Variants in CDH4 observed in about 807,000 individuals in gnomAD.
CDH4 encodes the protein cadherin 4.
A neutral mutation model predicts 86.0 loss-of-function variants in CDH4; 33 were observed. The observed-to-expected ratio is 0.38, with a 90% CI of 0.29 to 0.51. CDH4 has a LOEUF of 0.51. Among genes scored for constraint, CDH4 ranks in the 20% least tolerant of loss-of-function variants. The pLI, the probability that CDH4 is intolerant of heterozygous loss-of-function variation, is 0.86. For missense variants in CDH4, 1,114 were observed against 1,307.4 expected (o/e 0.85, Z 2.28); for synonymous variants, 555 against 549.4 (o/e 1.01, Z -0.14).
At chr20:61,440,389 C>A (rs745626597) in intron 2 of CDH4, among the ~76,000 whole-genome samples, 54 of 152,196 alleles carry the variant, frequency 3.5e-4, no homozygotes, top group Non-Finnish European at 6.8e-4. Context: ...CCCTGTTGAG[C>A]AGCCACAATG....
rs1600807044 is a variant in CDH4, at chr20:61,252,491, G to C, written c.-23G>C. On this transcript the variant is annotated 5_prime_UTR_variant, in exon 1 of 16. Coordinates refer to ENST00000614565, the MANE Select transcript of CDH4 (RefSeq NM_001794.5). The surrounding 1 kb of genome is among the most constrained non-coding windows in gnomAD (Gnocchi z 4.4). ...GCAGGGAGCGGGCTCCCGGTGCCGG[G>C]CACCGGGCGGGCGGCGGGGAAGATG... 4 of 1,149,624 alleles carry C rather than the reference G, an allele frequency of 3.5e-6. No homozygotes were observed. The highest frequency in any genetic ancestry group is 4.3e-6 in the Non-Finnish European group (4 of 935,344). 71.2% of individuals were successfully genotyped at this position (1,149,624 alleles called of 1,614,324 possible).
At chr20:61,386,118 G>A (rs2084949609) in intron 2 of CDH4, among the ~76,000 whole-genome samples, 2 of 152,166 alleles carry the variant, frequency 1.3e-5, no homozygotes, top group African/African-American at 4.8e-5. Flanking sequence ...GGGTGTGTAG[G>A]GGTGAAGTTG....
intron 2 of CDH4, among the ~76,000 whole-genome samples, chr20:61,732,794 G>A (rs914792251): frequency 6.6e-6 from 1 of 152,236 alleles, no homozygotes; most frequent in Admixed American, 6.5e-5. Flanking sequence ...ATAAGTGGGA[G>A]AAAGGAAGAG....
chr20:61,852,880 G>A lies in CDH4; in HGVS notation c.859G>A (p.Asp287Asn). 6.2e-7 allele frequency: 1 copy of A among 1,613,926 alleles called. No individual in the cohort carries two copies. Among genetic ancestry groups the A allele is most frequent in the Non-Finnish European group, 8.5e-7 (1 of 1,179,924 alleles). Reference sequence around the variant, plus strand: ...CAACCAGGTCTACAACGGCTCCGTGGACGAGGGCTCCAAGCCAGGTGAGGC... The same window carrying A: ...CAACCAGGTCTACAACGGCTCCGTGAACGAGGGCTCCAAGCCAGGTGAGGC... ...FINQVYNGSVDEGSKPGTYVM... is the reference protein window; with the variant it reads ...FINQVYNGSVNEGSKPGTYVM... Residue 287 changes from aspartate to asparagine, a missense_variant, in exon 6 of 16, where the codon GAC becomes AAC. Asp to Asn is a conservative substitution (Grantham distance 23). Transcript: ENST00000614565.
At position 61,411,563 on chromosome 20, in the gene CDH4, G is replaced by A. The variant is rs553029058; in HGVS notation, c.169+156626G>A. Among the ~76,000 whole-genome samples, 58 of 152,118 alleles carry A rather than the reference G, an allele frequency of 3.8e-4. 1 individual carries two copies. The highest frequency in any genetic ancestry group is 1.3e-4 in the Non-Finnish European group (9 of 68,018). On this transcript the variant is annotated intron_variant, in intron 2 of 15. Coordinates refer to ENST00000614565, the MANE Select transcript of CDH4 (RefSeq NM_001794.5). ...CTGCTGGCTGGGCTGGGCACGTGGT[G>A]CTGTCTGCTTCAGGGATGCCACCAG... is the stretch of plus-strand genomic sequence containing the variant.
In CDH4 at chr20:61,732,686, G is replaced by A. The variant is rs142006454; in HGVS notation, c.170-10877G>A. ...GCACGTCCAGCTGCCAGCTCATCAC[G>A]CATGGTCCCCCACTAGACAGCTTCC... On this transcript the variant is annotated intron_variant, in intron 2 of 15. Transcript: ENST00000614565. Among the ~76,000 whole-genome samples, 205 of 152,296 alleles carry A rather than the reference G, an allele frequency of 1.3e-3. 4 individuals are homozygous for A. The highest frequency in any genetic ancestry group is 4.3e-3 in the African/African-American group (178 of 41,572).
At chr20:61,385,965 C>T (rs536854640) in intron 2 of CDH4, among the ~76,000 whole-genome samples, 4 of 152,282 alleles carry the variant, frequency 2.6e-5, no homozygotes, top group African/African-American at 9.6e-5. Flanking sequence ...TGGAGCTGAG[C>T]TGCAGGAGGT....
At chr20:61,384,407 A>G (rs532262661) in intron 2 of CDH4, among the ~76,000 whole-genome samples, 1 of 152,190 alleles carries the variant, frequency 6.6e-6, no homozygotes, top group South Asian at 2.1e-4. Context: ...CTGGCCTCTT[A>G]CTCAGGCCCT....
intron 2 of CDH4, among the ~76,000 whole-genome samples, chr20:61,638,685 C>A (rs1177442702): frequency 1.3e-5 from 2 of 152,158 alleles, no homozygotes; most frequent in African/African-American, 4.8e-5. Context: ...CCTCTCTGCC[C>A]ACATTGTGAG....
At chr20:61,354,363 G>T (rs895611225) in intron 2 of CDH4, among the ~76,000 whole-genome samples, 1 of 152,158 alleles carries the variant, frequency 6.6e-6, no homozygotes, top group African/African-American at 2.4e-5. Flanking sequence ...TCCTGGCAAC[G>T]TGACCTCTCT....
At chr20:61,873,946 C>A in intron 7 of CDH4, 46 bp downstream of exon 7, 1 of 1,597,016 alleles carries the variant, frequency 6.3e-7, no homozygotes, top group South Asian at 1.1e-5. Context: ...GCTCCTGGTC[C>A]CCGCAGGACA....
intron 2 of CDH4, among the ~76,000 whole-genome samples, chr20:61,645,345 G>A (rs1171265654): frequency 1.3e-5 from 2 of 152,162 alleles, no homozygotes; most frequent in African/African-American, 2.4e-5. Flanking sequence ...AGTGATTGCC[G>A]GCCAGGTGCA....
chr20:61,386,935 T>C (rs999772583), intron 2 of CDH4, among the ~76,000 whole-genome samples: 1 of 152,196 alleles, frequency 6.6e-6, no homozygotes, highest in Non-Finnish European at 1.5e-5. Context: ...ACACTCCGGG[T>C]CAATACATGT....
intron 4 of CDH4, among the ~76,000 whole-genome samples, chr20:61,817,472 C>A (rs1980777822): frequency 2.6e-5 from 4 of 152,196 alleles, no homozygotes; most frequent in Admixed American, 2.6e-4. Flanking sequence ...TAGGCCCACA[C>A]AAGACGCGGA....
chr20:61,400,088 C>G (rs1214031416), intron 2 of CDH4, among the ~76,000 whole-genome samples: 1 of 152,300 alleles, frequency 6.6e-6, no homozygotes, highest in East Asian at 1.9e-4. Flanking sequence ...GTGGCCTGGC[C>G]CTAACTGTAG....
At chr20:61,556,241 G>A (rs2086176532) in intron 2 of CDH4, among the ~76,000 whole-genome samples, 1 of 149,584 alleles carries the variant, frequency 6.7e-6, no homozygotes, top group South Asian at 2.2e-4. Context: ...GATGATCTGG[G>A]CAAATGCAGG....
intron 2 of CDH4, among the ~76,000 whole-genome samples, chr20:61,274,678 G>A (rs1442652237): frequency 2.8e-5 from 4 of 144,846 alleles, no homozygotes; most frequent in East Asian, 2.1e-4. Flanking sequence ...GGAATACCGA[G>A]TGCAGTTTGG....
chr20:61,468,778 T>G (rs1031977151), intron 2 of CDH4, among the ~76,000 whole-genome samples: 1 of 152,222 alleles, frequency 6.6e-6, no homozygotes, highest in African/African-American at 2.4e-5. Context: ...TTTGAATGTT[T>G]AACTCCCAGA....
rs960329196 is a variant in CDH4 at position 61,770,113 on chromosome 20, G to A, written c.397-2890G>A. Among the ~76,000 whole-genome samples the A allele has an allele frequency of 3.9e-5, 6 of 152,150 alleles. No individual in the cohort carries two copies. In the South Asian group the frequency reaches 8.3e-4, roughly 21 times the overall value. The stretch of plus-strand genomic sequence containing the variant: ...AGAATGTGCAGCTAGGACTGTCCTG[G>A]AAGCTCTTTAAAGGCCCCTGAGGAG... On this transcript the variant is annotated intron_variant, in intron 3 of 15. Transcript: ENST00000614565.
Sources: gnomAD v4.1 joint callset for allele counts (sites outside exome capture counted in the v4.1 genomes callset) on GRCh38, gnomAD v4.1.1 for gene constraint, Gnocchi (gnomAD v3.1) non-coding constraint, MANE v1.5 for transcripts, NCBI Gene and HGNC (gene_info 2026-07-23, HGNC 2026-07-21) for gene names.